The following TCF7 variants were observed in gnomAD, a reference collection of about 807,000 sequenced individuals.
The protein encoded by TCF7 is T-cell-factor-7.
Under a neutral mutation model 46.8 loss-of-function variants are expected in TCF7, and 19 were observed. The observed-to-expected ratio is 0.41, with a 90% CI of 0.28 to 0.60. TCF7 has a LOEUF of 0.60. Ranked by LOEUF, TCF7 falls within the 20% of genes least tolerant of loss-of-function variation. The pLI, the probability that TCF7 is intolerant of heterozygous loss-of-function variation, is 0.35. For missense variants in TCF7, 547 were observed against 504.6 expected (o/e 1.08, Z -0.81); for synonymous variants, 245 against 213.4 (o/e 1.15, Z -1.29).
rs1755780679 is a variant in TCF7, at chr5:134,116,015, C to A, written c.423C>A (p.Pro141=). 6.2e-7 allele frequency: 1 copy of A among 1,612,952 alleles called. No individual in the cohort carries two copies. Residue 141 remains proline, a synonymous_variant, in exon 3 of 10, where the codon CCC becomes CCA. Transcript: ENST00000342854. ...YPPPSGAGQH[P]QPQPPLHKAN... ...CCCCCTCGGGAGCAGGGCAGCACCC[C>A]CAGCCGCAGCCCCCGCTGGTAAGTG...
chr5:134,121,760 A>G (rs1295720976), intron 3 of TCF7, among the ~76,000 whole-genome samples: 5 of 152,052 alleles, frequency 3.3e-5, no homozygotes, highest in African/African-American at 1.2e-4. Context: ...CCCAGTGTGA[A>G]TGATGTTCTG....
chr5:134,115,446 A>G, intron 2 of TCF7, 59 bp downstream of exon 2: 1 of 1,544,810 alleles, frequency 6.5e-7, no homozygotes, highest in African/African-American at 1.4e-5. Context: ...CCTCGGTGGG[A>G]CGGGGACGCC....
chr5:134,115,002 G>T lies in TCF7; in HGVS notation c.96G>T (p.Glu32Asp). 1 of 1,251,448 alleles carries T rather than the reference G, an allele frequency of 8.0e-7. No homozygotes were observed. Among genetic ancestry groups the T allele is most frequent in the Non-Finnish European group, 1.0e-6 (1 of 973,206 alleles). 77.5% of individuals were successfully genotyped at this position (1,251,448 alleles called of 1,614,324 possible). A position where few individuals can be genotyped will look rare whatever the true frequency, so the allele number is the denominator to read the frequency against. The change falls in exon 1 of 10, where the codon GAG (glutamate) becomes GAT (aspartate). Residue 32 changes from glutamate (E) to aspartate (D), a missense_variant. This residue lies in a region of TCF7 where 425 missense variants were observed against 349.9 expected (regional missense o/e 1.21). Transcript: ENST00000342854. ...TGGCCTTCCAGGATGAAGGCGAGGAGCAGGACGACAAGAGCCGCGACAGCG... is the reference window on the plus strand; with the variant it reads ...TGGCCTTCCAGGATGAAGGCGAGGATCAGGACGACAAGAGCCGCGACAGCG... ...ELLAFQDEGE[E>D]QDDKSRDSAA...
intron 3 of TCF7, among the ~76,000 whole-genome samples, chr5:134,122,670 C>T (rs956077532): frequency 2.6e-5 from 4 of 152,338 alleles, no homozygotes; most frequent in Middle Eastern, 6.8e-3. Flanking sequence ...CAAGGCAAGC[C>T]GCAGCCCCCC....
rs149469800 is a variant in TCF7 at position 134,143,625 on chromosome 5, C to G, written c.1060C>G (p.Gln354Glu). The G allele has an allele frequency of 4.1e-3, 6,648 of 1,614,046 alleles. 24 individuals are homozygous for G. The highest frequency in any genetic ancestry group is 5.1e-3 in the Non-Finnish European group (6,002 of 1,179,994). ...GAAGAGGCGGTCGAGGGAAAAGCAC[C>G]AAGAATCCACCACAGGTGAGACCTT... ...KKKRRSREKH[Q>E]ESTTGGKRNA... is the part of the protein sequence containing the mutation. Residue 354 changes from glutamine (Q) to glutamate (E), a missense_variant, in exon 9 of 10, where the codon CAA becomes GAA. Physicochemically the swap from Gln to Glu is conservative, Grantham distance 29. Around this residue, in one of 3 missense-constraint regions of TCF7, gnomAD observed 90 missense variants for 88.8 expected, o/e 1.01. Transcript: ENST00000342854.
upstream of TCF7, among the ~76,000 whole-genome samples, chr5:134,114,435 G>T (rs1342725850): frequency 6.6e-6 from 1 of 152,160 alleles, no homozygotes; most frequent in African/African-American, 2.4e-5. Context: ...AGAAAGCAGG[G>T]GGAATATCTG....
At chr5:134,123,844 A>T (rs558219650) in intron 3 of TCF7, 24 of 456,082 alleles carry the variant, frequency 5.3e-5, no homozygotes, top group Middle Eastern at 3.3e-4. Context: ...GGCAGGGTGG[A>T]TGCTAGGAGG....
intron 4 of TCF7, chr5:134,138,505 A>G (rs1759242615): frequency 3.4e-6 from 1 of 297,602 alleles, no homozygotes; most frequent in Non-Finnish European, 6.3e-6. Context: ...TGGCTGATTC[A>G]CCTCAGCCTC....
chr5:134,139,206 G>A (rs961287578), intron 5 of TCF7, 168 bp downstream of exon 5: 1 of 1,053,084 alleles, frequency 9.5e-7, no homozygotes, highest in Non-Finnish European at 1.3e-6. Context: ...CTGAGCTAGG[G>A]GTCCTCATGT....
chr5:134,131,738 G>T lies in TCF7; in HGVS notation c.442-6321G>T, dbSNP rs549795520. On this transcript the variant is annotated intron_variant, in intron 3 of 9. Coordinates refer to ENST00000342854, the MANE Select transcript of TCF7 (RefSeq NM_003202.5). ...GCCAACCTCTCTGCCAGCTAGGCTG[G>T]TGGCACCCCAAGCCAGGCCACAGGC... 2.2e-4 allele frequency among the ~76,000 whole-genome samples: 34 copies of T among 152,382 alleles called. No individual in the cohort carries two copies. The Middle Eastern group carries it at 0.014, about 61-fold the overall frequency.
At chr5:134,108,494 C>T in the TCF7 span, among the ~76,000 whole-genome samples, 2 of 152,162 alleles carry the variant, frequency 1.3e-5, no homozygotes, top group African/African-American at 4.8e-5. Context: ...CACCACATCC[C>T]GTTGCTCCTT....
chr5:134,131,038 G>A (rs993238190), intron 3 of TCF7, among the ~76,000 whole-genome samples: 6 of 152,174 alleles, frequency 3.9e-5, no homozygotes, highest in African/African-American at 1.4e-4. Context: ...AGACTTCTAG[G>A]AGGAAGTCTC....
rs775827089 is a variant in TCF7 at position 134,146,465 on chromosome 5, A to G, written c.*162A>G. On this transcript the variant is annotated 3_prime_UTR_variant, in exon 10 of 10. Coordinates refer to ENST00000342854, the MANE Select transcript of TCF7 (RefSeq NM_003202.5). ...CCCAGGGCCCCCACAGGCCCCCCGC[A>G]GCACCCTGCAGAGCACACAGGTACA... 11 of 807,140 alleles carry G rather than the reference A, an allele frequency of 1.4e-5. No individual in the cohort carries two copies. In the Admixed American group the frequency reaches 1.4e-4, roughly 10 times the overall value. 50.0% of individuals were successfully genotyped at this position (807,140 alleles called of 1,614,324 possible).
Position 134,114,826 on chromosome 5 carries a change from GGGCTCGCCGCCCCCCGGGCC to G in TCF7, c.-75_-56del, listed in dbSNP as rs1471835214. 5 of 980,072 alleles carry G rather than the reference GGGCTCGCCGCCCCCCGGGCC, an allele frequency of 5.1e-6. No homozygotes were observed. The African/African-American group carries it at 8.8e-5, about 17-fold the overall frequency. The allele number at this position is 980,072 out of a possible 1,614,324, so 60.7% of individuals were successfully genotyped here. A position where few individuals can be genotyped will look rare whatever the true frequency, so the allele number is the denominator to read the frequency against. On this transcript the variant is annotated 5_prime_UTR_variant, in exon 1 of 10. Coordinates refer to ENST00000342854, the MANE Select transcript of TCF7 (RefSeq NM_003202.5). ...ATCCGAGCTCGGAGGTTCGGACTCC[GGGCTCGCCGCCCCCCGGGCC>G]GGCTCCGCGCCCCGCACTCCCGGCG...
intron 3 of TCF7, chr5:134,123,765 A>T (rs1388268006): frequency 2.2e-6 from 1 of 456,198 alleles, no homozygotes; most frequent in Non-Finnish European, 4.4e-6. Context: ...TGGTAGGGCA[A>T]GGCGGTACCC....
chr5:134,141,819 T>C lies in TCF7; in HGVS notation c.636-366T>C, dbSNP rs1463077999. ...GTGTCTCTAATGGTTACTCTGGCTA[T>C]TGTGTGGAGAGAGGCCTGGAAGGGT... is the stretch of plus-strand genomic sequence containing the variant. On this transcript the variant is annotated intron_variant, in intron 5 of 9. Coordinates refer to ENST00000342854, the MANE Select transcript of TCF7 (RefSeq NM_003202.5). 2.3e-5 allele frequency: 4 copies of C among 175,748 alleles called. No individual in the cohort carries two copies. In the East Asian group the frequency reaches 4.6e-4, roughly 20 times the overall value. 10.9% of individuals were successfully genotyped at this position (175,748 alleles called of 1,614,324 possible).
chr5:134,121,495 A>C (rs1756571097), intron 3 of TCF7, among the ~76,000 whole-genome samples: 1 of 151,698 alleles, frequency 6.6e-6, no homozygotes, highest in African/African-American at 2.4e-5. Context: ...AGGCTGAGGC[A>C]GGAGAATCGC....
At position 134,114,841 on chromosome 5, in the gene TCF7, C is replaced by G; in HGVS notation, c.-66C>G. 6 of 981,482 alleles carry G rather than the reference C, an allele frequency of 6.1e-6. No individual in the cohort carries two copies. The highest frequency in any genetic ancestry group is 7.2e-6 in the Non-Finnish European group (6 of 828,772). 60.8% of individuals were successfully genotyped at this position (981,482 alleles called of 1,614,324 possible). ...TTCGGACTCCGGGCTCGCCGCCCCC[C>G]GGGCCGGCTCCGCGCCCCGCACTCC... On this transcript the variant is annotated 5_prime_UTR_variant, in exon 1 of 10. Transcript: ENST00000342854.
intron 9 of TCF7, 64 bp from the exon 10 acceptor site, chr5:134,146,160 T>C (rs1760670395): frequency 6.2e-7 from 1 of 1,613,538 alleles, no homozygotes; most frequent in Non-Finnish European, 8.5e-7. Context: ...CAGCATTTTT[T>C]GGTTGTGGTG....
Sources: allele counts gnomAD v4.1 joint callset (sites outside exome capture counted in the v4.1 genomes callset), GRCh38; gene constraint gnomAD v4.1.1; regional missense constraint gnomAD v4.1.1; transcripts MANE v1.5; gene names NCBI Gene and HGNC (gene_info 2026-07-23, HGNC 2026-07-21).